Variants in TNKS observed in about 807,000 individuals in gnomAD.
The protein encoded by TNKS is poly [ADP-ribose] polymerase tankyrase-1.
TNKS carries 72 observed loss-of-function variants against 135.8 expected under a neutral mutation model. The observed-to-expected ratio is 0.53, with a 90% CI of 0.44 to 0.64. The LOEUF is 0.64. Among genes scored for constraint, TNKS ranks in the 30% least tolerant of loss-of-function variants. TNKS has a pLI of 0.00. For missense variants in TNKS, 1,769 were observed against 1,674.0 expected (o/e 1.06, Z -0.99); for synonymous variants, 849 against 649.3 (o/e 1.31, Z -4.68).
intron 1 of TNKS, among the ~76,000 whole-genome samples, chr8:9,577,130 C>CTGTG: frequency 6.6e-6 from 1 of 150,646 alleles, no homozygotes; most frequent in African/African-American, 2.4e-5. Context: ...TTTTTTGCCT[C>CTGTG]TTTGTAAAGC....
At position 9,777,089 on chromosome 8, in the gene TNKS, T is replaced by C. The variant is rs934056640; in HGVS notation, c.*353T>C. On this transcript the variant is annotated 3_prime_UTR_variant, in exon 27 of 27. Coordinates refer to ENST00000310430, the MANE Select transcript of TNKS (RefSeq NM_003747.3). ...GTTCACAATTCACACACTACATTTG[T>C]TTTGTTATGCATGACGTGTCTATAA... 4.1e-6 allele frequency: 1 copy of C among 241,310 alleles called. No homozygotes were observed. The highest frequency in any genetic ancestry group is 2.2e-5 in the African/African-American group (1 of 45,244). The allele number at this position is 241,310 out of a possible 1,614,324, so 14.9% of individuals were successfully genotyped here.
intron 4 of TNKS, among the ~76,000 whole-genome samples, chr8:9,680,358 G>C (rs1162738553): frequency 1.3e-5 from 2 of 151,810 alleles, no homozygotes; most frequent in East Asian, 3.9e-4. Context: ...TATTTTTTTT[G>C]TGTTCTTGGT....
intron 11 of TNKS, among the ~76,000 whole-genome samples, chr8:9,717,102 T>TACA (rs60792807): frequency 8.1e-6 from 1 of 122,906 alleles, no homozygotes; most frequent in Non-Finnish European, 1.7e-5. Flanking sequence ...TATATATATA[T>TACA]TTTCAGGGAA....
intron 1 of TNKS, among the ~76,000 whole-genome samples, chr8:9,565,640 A>G (rs13258733): frequency 6.6e-6 from 1 of 152,052 alleles, no homozygotes; most frequent in Non-Finnish European, 1.5e-5. Flanking sequence ...TCACAAGGTC[A>G]GGAGATGGAG....
intron 25 of TNKS, among the ~76,000 whole-genome samples, chr8:9,767,358 T>C (rs1016674582): frequency 2.6e-5 from 4 of 152,208 alleles, no homozygotes; most frequent in Non-Finnish European, 5.9e-5. Flanking sequence ...AAAAGAATTA[T>C]ACTGTACAAA....
intron 3 of TNKS, among the ~76,000 whole-genome samples, chr8:9,675,357 A>C (rs1255445705): frequency 6.6e-6 from 1 of 152,226 alleles, no homozygotes; most frequent in South Asian, 2.1e-4. Context: ...TCATGGTACT[A>C]CTTAGCACTC....
chr8:9,634,053 A>G (rs983679900), intron 3 of TNKS, among the ~76,000 whole-genome samples: 3 of 149,116 alleles, frequency 2.0e-5, no homozygotes, highest in African/African-American at 7.4e-5. Context: ...CACTATAGGA[A>G]TTAAGGAAAA....
At chr8:9,752,405 CTG>C in intron 19 of TNKS, 137 bp from the exon 20 acceptor site, 1 of 566,122 alleles carries the variant, frequency 1.8e-6, no homozygotes, top group Non-Finnish European at 3.1e-6. Context: ...TAAATTAAAT[CTG>C]TGTATTCTGT....
At chr8:9,649,130 G>T (rs929818416) in intron 3 of TNKS, among the ~76,000 whole-genome samples, 1 of 152,164 alleles carries the variant, frequency 6.6e-6, no homozygotes, top group African/African-American at 2.4e-5. Flanking sequence ...TCATTACAAA[G>T]TTTGGTGTGC....
At chr8:9,735,824 A>G (rs1322017986) in intron 17 of TNKS, among the ~76,000 whole-genome samples, 1 of 152,016 alleles carries the variant, frequency 6.6e-6, no homozygotes, top group Admixed American at 6.6e-5. Flanking sequence ...AATAAATAAA[A>G]TAAAATCTAG....
chr8:9,769,612 C>CTTTT lies in TNKS; in HGVS notation c.3741-472_3741-469dup, dbSNP rs1163803220. 6.2e-3 allele frequency among the ~76,000 whole-genome samples: 457 copies of CTTTT among 73,482 alleles called. 6 individuals carry two copies. The highest frequency in any genetic ancestry group is 8.7e-3 in the African/African-American group (158 of 18,080). 48.2% of individuals were successfully genotyped at this position (73,482 alleles called of 152,430 possible). ...GGCAAAACTTACTGGCAGGCATTTT[C>CTTTT]TTTTTTTTTTTTTTTTTTTTTTTTT... On this transcript the variant is annotated intron_variant, in intron 25 of 26. Coordinates refer to ENST00000310430, the MANE Select transcript of TNKS (RefSeq NM_003747.3).
intron 9 of TNKS, among the ~76,000 whole-genome samples, chr8:9,709,242 A>G (rs1054926086): frequency 6.6e-6 from 1 of 152,196 alleles, no homozygotes; most frequent in Non-Finnish European, 1.5e-5. Context: ...GGCTAACTAT[A>G]TGTACACTTA....
intron 23 of TNKS, 91 bp from the exon 24 acceptor site, chr8:9,765,601 T>C (rs954416416): frequency 7.5e-6 from 8 of 1,069,476 alleles, no homozygotes; most frequent in Admixed American, 4.3e-5. Context: ...AAAATAAAAA[T>C]TGAACCTTCC....
chr8:9,763,862 C>G (rs1807279243), intron 22 of TNKS, among the ~76,000 whole-genome samples: 1 of 152,134 alleles, frequency 6.6e-6, no homozygotes, highest in Non-Finnish European at 1.5e-5. Flanking sequence ...TATGCACATA[C>G]CTAGGCAGAA....
Position 9,780,847 on chromosome 8 carries a change from T to C in TNKS, c.*4111T>C, listed in dbSNP as rs1808430934. On this transcript the variant is annotated 3_prime_UTR_variant, in exon 27 of 27. Transcript: ENST00000310430. ...AATGGAGCTGATTAAAATTAATCCA[T>C]TTCAATTTCTCCATATTGGAACTTC... is the stretch of plus-strand genomic sequence containing the variant. The C allele has an allele frequency of 6.6e-6, 1 of 152,184 alleles. No homozygotes were observed. Among genetic ancestry groups the C allele is most frequent in the African/African-American group, 2.4e-5 (1 of 41,450 alleles). The allele number at this position is 152,184 out of a possible 1,614,324, so 9.4% of individuals were successfully genotyped here.
At chr8:9,704,106 G>A (rs974484486) in intron 5 of TNKS, among the ~76,000 whole-genome samples, 1 of 152,104 alleles carries the variant, frequency 6.6e-6, no homozygotes, top group Admixed American at 6.5e-5. Context: ...AATTAGTTTT[G>A]ACCATTACTA....
At chr8:9,590,054 C>T (rs1330205713) in intron 2 of TNKS, among the ~76,000 whole-genome samples, 1 of 152,188 alleles carries the variant, frequency 6.6e-6, no homozygotes, top group Admixed American at 6.5e-5. Context: ...CATTGGGGCC[C>T]TGTGCAACTG....
At chr8:9,756,967 GTTTGTTTTTT>G in intron 20 of TNKS, among the ~76,000 whole-genome samples, 1 of 151,132 alleles carries the variant, frequency 6.6e-6, no homozygotes, top group South Asian at 2.1e-4. Context: ...TTTTGTTTTT[GTTTGTTTTTT>G]TTTGTTTGTT....
chr8:9,734,874 G>A lies in TNKS; in HGVS notation c.2323G>A (p.Asp775Asn). The A allele has an allele frequency of 1.2e-6, 2 of 1,613,812 alleles. No individual in the cohort carries two copies. Among genetic ancestry groups the A allele is most frequent in the Non-Finnish European group, 1.7e-6 (2 of 1,179,844 alleles). ...ICKLLLKHGA[D>N]PTKKNRDGNT... ...TTTTTCTTCTTTGTAGCATGGAGCA[G>A]ATCCAACTAAAAAGAACAGAGATGG... The change falls in exon 16 of 27, where the codon GAT (aspartate) becomes AAT (asparagine). Residue 775 changes from aspartate (D) to asparagine (N), a missense_variant. By Grantham distance (23) the Asp-to-Asn change is conservative. Around this residue, in one of 5 missense-constraint regions of TNKS, gnomAD observed 722 missense variants for 688.9 expected, o/e 1.05. Transcript: ENST00000310430.
Sources: gnomAD v4.1 joint callset for allele counts (sites outside exome capture counted in the v4.1 genomes callset) on GRCh38, gnomAD v4.1.1 for gene constraint, gnomAD v4.1.1 regional missense constraint, MANE v1.5 for transcripts, NCBI Gene and HGNC (gene_info 2026-07-23, HGNC 2026-07-21) for gene names.